ATF3: variants seen among roughly 807,000 people sequenced by gnomAD.
ATF3 encodes the protein cyclic AMP-dependent transcription factor ATF-3.
In ATF3, 10 loss-of-function variants were observed where a neutral mutation model predicts 18.4. The ratio of observed to expected loss-of-function variants is 0.54; its 90% CI spans 0.34 to 0.92. The LOEUF is 0.92. Ranked by LOEUF, ATF3 falls within the 40% of genes least tolerant of loss-of-function variation. ATF3 has a pLI of 0.02. For missense variants in ATF3, 183 were observed against 222.3 expected (o/e 0.82, Z 1.12); for synonymous variants, 78 against 87.9 (o/e 0.89, Z 0.63).
At chr1:212,583,805 C>T (rs1029958686) in intron 1 of ATF3, among the ~76,000 whole-genome samples, 1 of 152,202 alleles carries the variant, frequency 6.6e-6, no homozygotes, top group Non-Finnish European at 1.5e-5. Flanking sequence ...AGAATAACAA[C>T]ACTCCCGCTG....
chr1:212,579,963 T>G (rs1261965814), intron 1 of ATF3, among the ~76,000 whole-genome samples: 6 of 149,616 alleles, frequency 4.0e-5, no homozygotes, highest in African/African-American at 1.2e-4. Flanking sequence ...GCTAACATGG[T>G]GAAACCCCGT....
chr1:212,615,548 G>A (rs1655086257), intron 2 of ATF3, among the ~76,000 whole-genome samples: 1 of 151,880 alleles, frequency 6.6e-6, no homozygotes, highest in South Asian at 2.1e-4. Flanking sequence ...GGTGGCCCAC[G>A]CTTATAATCC....
chr1:212,580,547 C>A (rs1430605781), intron 1 of ATF3, among the ~76,000 whole-genome samples: 1 of 152,082 alleles, frequency 6.6e-6, no homozygotes, highest in Non-Finnish European at 1.5e-5. Flanking sequence ...AAGTGATGAT[C>A]CACCTGTTTT....
intron 1 of ATF3, among the ~76,000 whole-genome samples, chr1:212,611,938 A>G (rs945274831): frequency 1.3e-5 from 2 of 152,206 alleles, no homozygotes; most frequent in African/African-American, 4.8e-5. Context: ...GAGGTCCCCA[A>G]ACAATTTTTT....
intron 1 of ATF3, among the ~76,000 whole-genome samples, chr1:212,609,624 G>A (rs988140097): frequency 6.6e-6 from 1 of 152,252 alleles, no homozygotes; most frequent in African/African-American, 2.4e-5. Context: ...CGGAAGACGG[G>A]GAGGGCTCCC....
chr1:212,614,778 C>T (rs1025953548), intron 1 of ATF3, among the ~76,000 whole-genome samples: 3 of 152,202 alleles, frequency 2.0e-5, no homozygotes, highest in Non-Finnish European at 4.4e-5. Context: ...TAGCCTGAAA[C>T]ATCATCCCTT....
chr1:212,607,459 G>A (rs1264417297), upstream of ATF3, among the ~76,000 whole-genome samples: 1 of 152,220 alleles, frequency 6.6e-6, no homozygotes, highest in Non-Finnish European at 1.5e-5. Context: ...AATTGTTGGG[G>A]TCGGGGAATA....
intron 1 of ATF3, among the ~76,000 whole-genome samples, chr1:212,570,836 T>C (rs551973498): frequency 1.3e-5 from 2 of 152,378 alleles, no homozygotes; most frequent in African/African-American, 4.8e-5. Flanking sequence ...CATTATAGTA[T>C]GTCTATATGA....
chr1:212,601,153 T>C (rs1480232795), intron 1 of ATF3, among the ~76,000 whole-genome samples: 2 of 152,224 alleles, frequency 1.3e-5, no homozygotes, highest in African/African-American at 4.8e-5. Flanking sequence ...CATCTGATGA[T>C]TCAAGTTCAT....
Position 212,618,052 on chromosome 1 carries a change from C to A in ATF3, c.241-75C>A. The stretch of plus-strand genomic sequence containing the variant: ...GCCCTTGTCTGCCAGCTTTTGCTGG[C>A]AGTAAAAGGCAGTGTATTTGAGGTA... On this transcript the variant is annotated intron_variant, in intron 2 of 3. Coordinates refer to ENST00000341491, the MANE Select transcript of ATF3 (RefSeq NM_001674.4). The surrounding 1 kb of genome is among the most constrained non-coding windows in gnomAD (Gnocchi z 4.4). 2.0e-6 allele frequency: 3 copies of A among 1,465,534 alleles called. No homozygotes were observed. Among genetic ancestry groups the A allele is most frequent in the Middle Eastern group, 1.7e-4 (1 of 5,806 alleles). 90.8% of individuals were successfully genotyped at this position (1,465,534 alleles called of 1,614,324 possible). A position where few individuals can be genotyped will look rare whatever the true frequency, so the allele number is the denominator to read the frequency against.
intron 1 of ATF3, among the ~76,000 whole-genome samples, chr1:212,601,168 T>C (rs1038733571): frequency 6.6e-6 from 1 of 152,208 alleles, no homozygotes; most frequent in Admixed American, 6.5e-5. Flanking sequence ...GTTCATCGTA[T>C]TTTGGGAAAA....
intron 1 of ATF3, among the ~76,000 whole-genome samples, chr1:212,592,175 CT>C (rs113551451): frequency 0.27 from 40,848 of 151,920 alleles, 6,088 homozygotes; most frequent in African/African-American, 0.41. Context: ...AACCTAGCCC[CT>C]AGTAACCACT....
At chr1:212,583,738 CCT>C (rs1223663232) in intron 1 of ATF3, among the ~76,000 whole-genome samples, 3 of 152,174 alleles carry the variant, frequency 2.0e-5, no homozygotes, top group African/African-American at 7.2e-5. Flanking sequence ...GAGTTTAGCC[CCT>C]CAGGGCACAG....
At chr1:212,580,106 C>T (rs983241011) in intron 1 of ATF3, among the ~76,000 whole-genome samples, 5 of 151,304 alleles carry the variant, frequency 3.3e-5, no homozygotes, top group African/African-American at 4.9e-5. Context: ...TGCAGTGAGC[C>T]GAGATCGAGC....
At chr1:212,574,366 A>C (rs2102622152) in intron 1 of ATF3, among the ~76,000 whole-genome samples, 1 of 152,036 alleles carries the variant, frequency 6.6e-6, no homozygotes, top group African/African-American at 2.4e-5. Flanking sequence ...TATTATTAAT[A>C]GCTAGTTATA....
chr1:212,583,910 G>A (rs78942843), intron 1 of ATF3, among the ~76,000 whole-genome samples: 432 of 152,272 alleles, frequency 2.8e-3, no homozygotes, highest in Non-Finnish European at 5.2e-3. Context: ...GCATTCAACA[G>A]GTATTTACCA....
intron 1 of ATF3, among the ~76,000 whole-genome samples, chr1:212,585,975 G>A (rs767245522): frequency 6.6e-6 from 1 of 152,210 alleles, no homozygotes; most frequent in Non-Finnish European, 1.5e-5. Flanking sequence ...CCCAGGATAT[G>A]TTGTGGTCTC....
At chr1:212,602,234 C>G (rs1558234472) in intron 1 of ATF3, among the ~76,000 whole-genome samples, 2 of 152,150 alleles carry the variant, frequency 1.3e-5, no homozygotes, top group East Asian at 3.8e-4. Flanking sequence ...GCCTTGCCAG[C>G]CACTAGCTAA....
At chr1:212,613,148 C>T (rs1396865935) in intron 1 of ATF3, among the ~76,000 whole-genome samples, 1 of 152,080 alleles carries the variant, frequency 6.6e-6, no homozygotes, top group Non-Finnish European at 1.5e-5. Context: ...GCTCACACTC[C>T]CAGAAGGCAG....
Sources: gnomAD v4.1 joint callset for allele counts (sites outside exome capture counted in the v4.1 genomes callset) on GRCh38, gnomAD v4.1.1 for gene constraint, Gnocchi (gnomAD v3.1) non-coding constraint, MANE v1.5 for transcripts, NCBI Gene and HGNC (gene_info 2026-07-23, HGNC 2026-07-21) for gene names.